SPATA7: variants seen among roughly 807,000 people sequenced by gnomAD.
SPATA7 encodes the protein spermatogenesis-associated protein 7.
SPATA7 carries 43 observed loss-of-function variants against 51.8 expected under a neutral mutation model. The observed-to-expected ratio is 0.83, with a 90% CI of 0.65 to 1.07. The LOEUF (loss-of-function observed/expected upper bound fraction) is 1.07. Ranked by LOEUF, SPATA7 falls within the 50% of genes least tolerant of loss-of-function variation. The probability of loss-of-function intolerance (pLI) is 0.00; values close to 1 mark genes in which losing one functional copy is unlikely to be tolerated. For synonymous variants in SPATA7, 230 were observed against 252.8 expected (o/e 0.91, Z 0.86); for missense variants, 683 against 701.3 (o/e 0.97, Z 0.30).
At chr14:88,408,390 C>G (rs958477673) in intron 4 of SPATA7, among the ~76,000 whole-genome samples, 1 of 152,126 alleles carries the variant, frequency 6.6e-6, no homozygotes, top group Non-Finnish European at 1.5e-5. Flanking sequence ...TGGGAGTTCA[C>G]TCATGATTTG....
intron 4 of SPATA7, among the ~76,000 whole-genome samples, chr14:88,400,598 C>T (rs2076027927): frequency 6.6e-6 from 1 of 152,130 alleles, no homozygotes; most frequent in Non-Finnish European, 1.5e-5. Context: ...CTTTGGGAGG[C>T]CAAGACAGGC....
chr14:88,400,974 G>A (rs941278090), intron 4 of SPATA7, among the ~76,000 whole-genome samples: 1 of 152,102 alleles, frequency 6.6e-6, no homozygotes, highest in Non-Finnish European at 1.5e-5. Flanking sequence ...AATAGAAGTG[G>A]GAATACCTCC....
At chr14:88,435,734 G>C (rs776760369) in intron 10 of SPATA7, among the ~76,000 whole-genome samples, 5 of 152,056 alleles carry the variant, frequency 3.3e-5, no homozygotes, top group African/African-American at 1.2e-4. Flanking sequence ...CTCCAGTTCC[G>C]TCCATATTGT....
At position 88,424,755 on chromosome 14, in the gene SPATA7, C is replaced by G. The variant is rs914239509; in HGVS notation, c.373-1477C>G. ...TTGAAGTCATTTACCAAATAGTACC[C>G]TAGTGACTCAAAATTTAATGCCAGC... is the stretch of plus-strand genomic sequence containing the variant. On this transcript the variant is annotated intron_variant, in intron 5 of 11. Coordinates refer to ENST00000393545, the MANE Select transcript of SPATA7 (RefSeq NM_018418.5). Among the ~76,000 whole-genome samples, 6 of 152,094 alleles carry G rather than the reference C, an allele frequency of 3.9e-5. No homozygotes were observed. The East Asian group carries it at 5.8e-4, about 15-fold the overall frequency.
downstream of SPATA7, among the ~76,000 whole-genome samples, chr14:88,457,871 A>G (rs538858857): frequency 4.6e-5 from 7 of 152,188 alleles, no homozygotes; most frequent in East Asian, 1.9e-4. Flanking sequence ...GTTTGTCATA[A>G]ATAGCTCTTA....
At chr14:88,450,334 C>T (rs919881192) in intron 3 of SPATA7, among the ~76,000 whole-genome samples, 13 of 151,888 alleles carry the variant, frequency 8.6e-5, no homozygotes, top group African/African-American at 1.5e-4. Flanking sequence ...TTCTATTCAT[C>T]GTACTATTTG....
chr14:88,395,538 A>C (rs2139881142), intron 3 of SPATA7, among the ~76,000 whole-genome samples: 1 of 152,090 alleles, frequency 6.6e-6, no homozygotes, highest in African/African-American at 2.4e-5. Flanking sequence ...TTAAAGTTTT[A>C]GCCCTTACAT....
At chr14:88,433,818 A>T (rs763763112) in intron 10 of SPATA7, among the ~76,000 whole-genome samples, 19 of 152,208 alleles carry the variant, frequency 1.2e-4, no homozygotes, top group Non-Finnish European at 2.4e-4. Context: ...TCATAATAAT[A>T]TGCCAAGCAT....
intron 3 of SPATA7, among the ~76,000 whole-genome samples, chr14:88,450,571 A>AT (rs2077243584): frequency 6.6e-6 from 1 of 152,138 alleles, no homozygotes; most frequent in African/African-American, 2.4e-5. Flanking sequence ...ATTTTGTTGG[A>AT]TACAAAATTC....
intron 4 of SPATA7, among the ~76,000 whole-genome samples, chr14:88,463,202 A>G (rs902683233): frequency 8.5e-5 from 13 of 152,054 alleles, no homozygotes; most frequent in Non-Finnish European, 1.8e-4. Context: ...CAAGCCAGTA[A>G]TATTAAGGAG....
intron 3 of SPATA7, among the ~76,000 whole-genome samples, chr14:88,393,984 G>A (rs918866970): frequency 8.6e-5 from 13 of 152,012 alleles, no homozygotes; most frequent in South Asian, 4.2e-4. Context: ...TAACTACACC[G>A]TTCAGGCCAA....
At chr14:88,391,949 T>C (rs1461633374) in intron 2 of SPATA7, among the ~76,000 whole-genome samples, 1 of 152,240 alleles carries the variant, frequency 6.6e-6, no homozygotes, top group African/African-American at 2.4e-5. Context: ...GGTTTTAAAA[T>C]AAATTTTTGT....
At chr14:88,426,120 C>A in intron 5 of SPATA7, 112 bp from the exon 6 acceptor site, 5 of 749,946 alleles carry the variant, frequency 6.7e-6, no homozygotes, top group Non-Finnish European at 1.2e-5. Context: ...AGGAACATAT[C>A]AGTTAATTTT....
intron 4 of SPATA7, among the ~76,000 whole-genome samples, chr14:88,411,789 C>CT (rs1320896845): frequency 6.6e-6 from 1 of 152,090 alleles, no homozygotes; most frequent in African/African-American, 2.4e-5. Context: ...CATATCTTTG[C>CT]TATTGTGGAT....
chr14:88,460,604 A>G (rs1566798335), intron 4 of SPATA7, among the ~76,000 whole-genome samples: 1 of 152,092 alleles, frequency 6.6e-6, no homozygotes, highest in Non-Finnish European at 1.5e-5. Context: ...CTAGTTCGCC[A>G]TTCATCTAAT....
intron 4 of SPATA7, among the ~76,000 whole-genome samples, chr14:88,396,783 G>T (rs925250081): frequency 4.6e-5 from 7 of 151,400 alleles, no homozygotes; most frequent in Admixed American, 1.3e-4. Flanking sequence ...AAAGATTTTG[G>T]GTGTATATTT....
Position 88,438,038 on chromosome 14 carries a change from TA to T in SPATA7, c.1417del (p.Met473CysfsTer33). The T allele has an allele frequency of 6.2e-7, 1 of 1,614,134 alleles. No individual in the cohort carries two copies. The highest frequency in any genetic ancestry group is 8.5e-7 in the Non-Finnish European group (1 of 1,180,022). ...GTCAACAATACCAAAAGGCTTTGGA[TA>T]TGTTATTGTCGGCACCAAAGGATGA... ...ERQQYQKALD[M>X]LLSAPKDENE... On this transcript the variant is annotated frameshift_variant, in exon 12 of 12. Coordinates refer to ENST00000393545, the MANE Select transcript of SPATA7 (RefSeq NM_018418.5). LOFTEE classifies it low-confidence loss of function (END_TRUNC).
chr14:88,469,273 A>C lies in SPATA7; in HGVS notation c.255-574A>C, dbSNP rs1354763835. Among the ~76,000 whole-genome samples, 1 of 152,118 alleles carries C rather than the reference A, an allele frequency of 6.6e-6. No individual in the cohort carries two copies. The highest frequency in any genetic ancestry group is 1.5e-5 in the Non-Finnish European group (1 of 68,028). ...CCTCTGTCCACTTTCTGATCTACAA[A>C]ATGAAATGACGGAGATACTGAGTCA... On this transcript the variant is annotated intron_variant, in intron 4 of 4. Coordinates refer to the SPATA7 transcript ENST00000556406. This position sits in a 1 kb window ranked among gnomAD's most constrained non-coding sequence, Gnocchi z 4.3.
chr14:88,467,044 A>G (rs1171766746), intron 4 of SPATA7: 2 of 152,222 alleles, frequency 1.3e-5, no homozygotes, highest in Non-Finnish European at 2.9e-5. Context: ...CCCTGGGGAC[A>G]GTGCTGTGGG....
Sources: gnomAD v4.1 joint callset for allele counts (sites outside exome capture counted in the v4.1 genomes callset) on GRCh38, gnomAD v4.1.1 for gene constraint, Gnocchi (gnomAD v3.1) non-coding constraint, MANE v1.5 for transcripts, NCBI Gene and HGNC (gene_info 2026-07-23, HGNC 2026-07-21) for gene names.